CACNA2D3: variants seen among roughly 807,000 people sequenced by gnomAD.
CACNA2D3 encodes the protein calcium voltage-gated channel auxiliary subunit alpha2delta 3.
A neutral mutation model predicts 160.6 loss-of-function variants in CACNA2D3; 60 were observed. The ratio of observed to expected loss-of-function variants is 0.37; its 90% confidence interval spans 0.30 to 0.46. The LOEUF is 0.46. CACNA2D3 is among the 20% of genes least tolerant of loss of function. The probability of loss-of-function intolerance (pLI) is 1.00; values close to 1 mark genes in which losing one functional copy is unlikely to be tolerated. For synonymous variants in CACNA2D3, 558 were observed against 492.9 expected (o/e 1.13, Z -1.75); for missense variants, 1,205 against 1,365.0 (o/e 0.88, Z 1.85).
At chr3:54,626,387 GC>G in intron 9 of CACNA2D3, 2 of 1,568,716 alleles carry the variant, frequency 1.3e-6, no homozygotes, top group Admixed American at 3.9e-5. Flanking sequence ...CTGCTGAAGT[GC>G]CTGCGCAAGG....
chr3:54,988,688 A>G (rs567584509), intron 31 of CACNA2D3, among the ~76,000 whole-genome samples: 2 of 152,230 alleles, frequency 1.3e-5, no homozygotes, highest in Non-Finnish European at 2.9e-5. Flanking sequence ...AGGAAGTGTT[A>G]GCTCAGGAAA....
At chr3:54,917,282 A>C (rs531172602) in intron 27 of CACNA2D3, among the ~76,000 whole-genome samples, 1 of 152,340 alleles carries the variant, frequency 6.6e-6, no homozygotes, top group African/African-American at 2.4e-5. Context: ...TTCACTTTGC[A>C]TGCAACTCTT....
intron 4 of CACNA2D3, among the ~76,000 whole-genome samples, chr3:54,404,785 A>G (rs1172157727): frequency 7.2e-5 from 11 of 152,144 alleles, no homozygotes; most frequent in Non-Finnish European, 1.3e-4. Flanking sequence ...AGGATGTAAA[A>G]TAAAGATACA....
At chr3:54,984,767 CTTTA>C in intron 30 of CACNA2D3, 97 bp downstream of exon 30, 2 of 749,606 alleles carry the variant, frequency 2.7e-6, no homozygotes, top group Non-Finnish European at 2.3e-6. Context: ...AGACAATGAT[CTTTA>C]TTTAGGAGGT....
chr3:54,879,454 A>G (rs1334787589), intron 20 of CACNA2D3, 43 bp downstream of exon 20: 2 of 1,419,720 alleles, frequency 1.4e-6, no homozygotes, highest in African/African-American at 1.4e-5. Context: ...CAGACCCATC[A>G]GTTGTGTTTG....
chr3:54,411,964 C>T (rs1329430009), intron 4 of CACNA2D3, among the ~76,000 whole-genome samples: 1 of 151,670 alleles, frequency 6.6e-6, no homozygotes, highest in Non-Finnish European at 1.5e-5. Flanking sequence ...AGTTTGACTT[C>T]ATAAGGAGAG....
chr3:54,960,563 A>G (rs1702006907), intron 27 of CACNA2D3, among the ~76,000 whole-genome samples: 1 of 152,174 alleles, frequency 6.6e-6, no homozygotes, highest in Non-Finnish European at 1.5e-5. Flanking sequence ...TAACAAATGC[A>G]TATTGCTTTG....
Position 55,060,505 on chromosome 3 carries a change from C to CTT in CACNA2D3, c.2988-12939_2988-12938dup, listed in dbSNP as rs201361132. Reference sequence around the variant, plus strand: ...TTTAGGATTTGGGAAAGTTGTTTAACTTAATGCTTGAGTGTCTTCATCCAT... The same window carrying CTT: ...TTTAGGATTTGGGAAAGTTGTTTAACTTTTAATGCTTGAGTGTCTTCATCCAT... On this transcript the variant is annotated intron_variant, in intron 35 of 37. Coordinates refer to ENST00000474759, the MANE Select transcript of CACNA2D3 (RefSeq NM_018398.3). Among the ~76,000 whole-genome samples, 67 of 152,206 alleles carry CTT rather than the reference C, an allele frequency of 4.4e-4. No individual in the cohort carries two copies. In the East Asian group the frequency reaches 0.01, roughly 23 times the overall value.
intron 17 of CACNA2D3, among the ~76,000 whole-genome samples, chr3:54,857,088 T>C (rs1699187917): frequency 6.6e-6 from 1 of 152,138 alleles, no homozygotes; most frequent in East Asian, 1.9e-4. Flanking sequence ...GCCAGGATGA[T>C]GTATTAAGCT....
intron 11 of CACNA2D3, among the ~76,000 whole-genome samples, chr3:54,743,967 T>C (rs940750527): frequency 1.3e-5 from 2 of 152,198 alleles, no homozygotes; most frequent in African/African-American, 4.8e-5. Context: ...TTCTACAGAC[T>C]CAGTTCTGTC....
At chr3:55,045,680 G>A (rs984887944) in intron 35 of CACNA2D3, among the ~76,000 whole-genome samples, 5 of 152,216 alleles carry the variant, frequency 3.3e-5, no homozygotes, top group African/African-American at 1.2e-4. Context: ...TATGAGCATT[G>A]TTTTGATTGT....
intron 27 of CACNA2D3, among the ~76,000 whole-genome samples, chr3:54,924,085 T>C (rs1184145321): frequency 6.6e-6 from 1 of 152,248 alleles, no homozygotes; most frequent in Non-Finnish European, 1.5e-5. Context: ...GTTGTCATCA[T>C]GTTAAAGAAA....
chr3:54,609,133 G>T (rs2106786030), intron 9 of CACNA2D3, among the ~76,000 whole-genome samples: 1 of 152,256 alleles, frequency 6.6e-6, no homozygotes. Context: ...TAAGGGTGTG[G>T]CTGTGAGCCA....
chr3:54,443,498 G>C (rs1198021870), intron 4 of CACNA2D3, among the ~76,000 whole-genome samples: 5 of 152,126 alleles, frequency 3.3e-5, no homozygotes, highest in Non-Finnish European at 7.4e-5. Context: ...TAATTCTTTT[G>C]GGCTTCTTCA....
intron 4 of CACNA2D3, among the ~76,000 whole-genome samples, chr3:54,433,922 A>C (rs974547005): frequency 2.6e-5 from 4 of 152,216 alleles, no homozygotes; most frequent in Non-Finnish European, 5.9e-5. Context: ...TGATCTTCGC[A>C]TGCTCCTAAC....
intron 2 of CACNA2D3, among the ~76,000 whole-genome samples, chr3:54,182,442 C>T (rs967908368): frequency 1.3e-5 from 2 of 152,168 alleles, no homozygotes; most frequent in African/African-American, 2.4e-5. Context: ...TGCCAGGAGT[C>T]CGCTCGTCAC....
intron 3 of CACNA2D3, among the ~76,000 whole-genome samples, chr3:54,345,864 G>A (rs1698449039): frequency 6.6e-6 from 1 of 150,980 alleles, no homozygotes; most frequent in South Asian, 2.1e-4. Context: ...TGCATGTGTA[G>A]AATCTGAATC....
intron 13 of CACNA2D3, among the ~76,000 whole-genome samples, chr3:54,784,566 A>C (rs1485307395): frequency 6.6e-6 from 1 of 152,178 alleles, no homozygotes; most frequent in Non-Finnish European, 1.5e-5. Context: ...GTTCACCTCC[A>C]AATCAGTCTT....
At chr3:54,765,408 G>T (rs1406028255) in intron 13 of CACNA2D3, among the ~76,000 whole-genome samples, 1 of 152,164 alleles carries the variant, frequency 6.6e-6, no homozygotes, top group Non-Finnish European at 1.5e-5. Flanking sequence ...AAAGATGAAT[G>T]TTGAGCTGAA....
Sources: gnomAD v4.1 joint callset for allele counts (sites outside exome capture counted in the v4.1 genomes callset) on GRCh38, gnomAD v4.1.1 for gene constraint, MANE v1.5 for transcripts, NCBI Gene and HGNC (gene_info 2026-07-23, HGNC 2026-07-21) for gene names.